Variants in SETBP1 observed in about 807,000 individuals in gnomAD.
SETBP1 encodes the protein SET binding protein 1, also known as SET-binding protein.
Under a neutral mutation model 101.0 loss-of-function variants are expected in SETBP1, and 9 were observed. The ratio of observed to expected loss-of-function variants is 0.09; its 90% CI spans 0.05 to 0.16. The LOEUF (loss-of-function observed/expected upper bound fraction) is 0.16. Ranked by LOEUF, SETBP1 falls within the 10% of genes least tolerant of loss-of-function variation. SETBP1 has a pLI of 1.00. For synonymous variants in SETBP1, 818 were observed against 788.5 expected (o/e 1.04, Z -0.63); for missense variants, 1,858 against 2,033.8 (o/e 0.91, Z 1.66).
At chr18:44,694,368 C>T (rs1016214818) in intron 1 of SETBP1, among the ~76,000 whole-genome samples, 14 of 152,246 alleles carry the variant, frequency 9.2e-5, no homozygotes, top group African/African-American at 2.4e-4. Context: ...CATGCCACCA[C>T]GCCCGACTAA....
chr18:44,961,866 A>G (rs1480096963), intron 4 of SETBP1, among the ~76,000 whole-genome samples: 1 of 152,234 alleles, frequency 6.6e-6, no homozygotes, highest in African/African-American at 2.4e-5. Context: ...TGAACAAGTT[A>G]TCACAAGTTC....
At chr18:45,012,626 G>C (rs1046624610) in intron 4 of SETBP1, among the ~76,000 whole-genome samples, 4 of 152,074 alleles carry the variant, frequency 2.6e-5, no homozygotes, top group African/African-American at 9.7e-5. Context: ...TAAAATACAG[G>C]AAGTAAAAGA....
rs187298087 is a variant in SETBP1 at position 45,002,319 on chromosome 18, C to T, written c.4001-36166C>T. On this transcript the variant is annotated intron_variant, in intron 4 of 5. Coordinates refer to ENST00000649279, the MANE Select transcript of SETBP1 (RefSeq NM_015559.3). ...TTTTTTTTTTTTTTGTCAAGAGGAA[C>T]AGATTCCATTCTTGAATCCTTTGCC... is the stretch of plus-strand genomic sequence containing the variant. Among the ~76,000 whole-genome samples, 628 of 130,034 alleles carry T rather than the reference C, an allele frequency of 4.8e-3. 7 individuals are homozygous for T. Among genetic ancestry groups the T allele is most frequent in the African/African-American group, 0.017 (607 of 34,712 alleles). The allele number at this position is 130,034 out of a possible 152,430, so 85.3% of individuals were successfully genotyped here. A position where few individuals can be genotyped will look rare whatever the true frequency, so the allele number is the denominator to read the frequency against.
At chr18:45,038,376 G>T in intron 4 of SETBP1, 109 bp from the exon 5 acceptor site, 1 of 960,596 alleles carries the variant, frequency 1.0e-6, no homozygotes, top group East Asian at 2.4e-5. Context: ...GTACCAGAAG[G>T]AGGTGTTCAA....
At chr18:44,693,951 G>A (rs2068974749) in intron 1 of SETBP1, among the ~76,000 whole-genome samples, 1 of 152,186 alleles carries the variant, frequency 6.6e-6, no homozygotes. Flanking sequence ...GGGAGTTCTG[G>A]GAGGAGTGGA....
At chr18:45,036,668 C>T (rs1418909404) in intron 4 of SETBP1, among the ~76,000 whole-genome samples, 1 of 152,144 alleles carries the variant, frequency 6.6e-6, no homozygotes, top group Non-Finnish European at 1.5e-5. Context: ...CATTTTTGTT[C>T]ATGGTATCAC....
chr18:44,799,376 T>C (rs1313050248), intron 2 of SETBP1, among the ~76,000 whole-genome samples: 1 of 152,086 alleles, frequency 6.6e-6, no homozygotes, highest in African/African-American at 2.4e-5. Flanking sequence ...TATAGGTTTT[T>C]TTCCGAGAAG....
intron 2 of SETBP1, among the ~76,000 whole-genome samples, chr18:44,703,606 C>G (rs1358529937): frequency 6.6e-6 from 1 of 151,874 alleles, no homozygotes; most frequent in African/African-American, 2.4e-5. Flanking sequence ...ATTCTGCATC[C>G]AGGAATTGCC....
intron 2 of SETBP1, among the ~76,000 whole-genome samples, chr18:44,818,379 C>T (rs1203721074): frequency 6.6e-6 from 1 of 152,130 alleles, no homozygotes; most frequent in South Asian, 2.1e-4. Context: ...GAGGCCCAGC[C>T]GGGCAGTGAC....
chr18:44,918,788 T>C (rs1161992596), intron 3 of SETBP1, among the ~76,000 whole-genome samples: 1 of 152,244 alleles, frequency 6.6e-6, no homozygotes, highest in Admixed American at 6.5e-5. Flanking sequence ...ATTTGTGTTC[T>C]AGTTATCAAC....
chr18:45,061,755 C>T (rs1296756996), intron 5 of SETBP1, among the ~76,000 whole-genome samples: 1 of 152,174 alleles, frequency 6.6e-6, no homozygotes, highest in Non-Finnish European at 1.5e-5. Context: ...CTTTTTTCCT[C>T]CTCTCTCTTA....
At chr18:44,750,806 T>C (rs2070365388) in intron 2 of SETBP1, among the ~76,000 whole-genome samples, 3 of 152,100 alleles carry the variant, frequency 2.0e-5, no homozygotes, top group Admixed American at 2.0e-4. Context: ...AATATCAAGT[T>C]ATGAAAGATT....
At chr18:44,825,975 T>C (rs916159954) in intron 2 of SETBP1, among the ~76,000 whole-genome samples, 5 of 152,246 alleles carry the variant, frequency 3.3e-5, no homozygotes, top group Non-Finnish European at 5.9e-5. Context: ...GAGTGACTAG[T>C]ACCTTGATGT....
intron 2 of SETBP1, among the ~76,000 whole-genome samples, chr18:44,770,504 A>C (rs2070849429): frequency 6.6e-6 from 1 of 152,106 alleles, no homozygotes; most frequent in East Asian, 1.9e-4. Context: ...GTATTTTTGA[A>C]GTGTCCTTGG....
At chr18:45,048,310 T>C (rs1180801747) in intron 5 of SETBP1, among the ~76,000 whole-genome samples, 6 of 152,124 alleles carry the variant, frequency 3.9e-5, no homozygotes, top group Non-Finnish European at 5.9e-5. Context: ...AAGAAAGAAA[T>C]GAAATAGCAG....
intron 4 of SETBP1, among the ~76,000 whole-genome samples, chr18:45,031,530 T>G (rs2073297446): frequency 1.3e-5 from 2 of 152,186 alleles, no homozygotes; most frequent in South Asian, 4.1e-4. Context: ...TTTACCTATT[T>G]GCTATATTTT....
At chr18:44,885,454 T>A (rs2069620161) in intron 3 of SETBP1, among the ~76,000 whole-genome samples, 2 of 152,122 alleles carry the variant, frequency 1.3e-5, no homozygotes, top group Admixed American at 1.3e-4. Flanking sequence ...GCAGTAATAT[T>A]CTTCAGAATA....
At chr18:44,770,954 A>T (rs2070858894) in intron 2 of SETBP1, among the ~76,000 whole-genome samples, 1 of 152,072 alleles carries the variant, frequency 6.6e-6, no homozygotes, top group Non-Finnish European at 1.5e-5. Context: ...GTTCTGGGTC[A>T]TGTGAGGTTC....
At chr18:44,684,269 TC>T (rs1295283916) in intron 1 of SETBP1, among the ~76,000 whole-genome samples, 1 of 152,204 alleles carries the variant, frequency 6.6e-6, no homozygotes, top group Admixed American at 6.5e-5. Context: ...TACAAACTCT[TC>T]ATGAAGTTGC....
Sources: allele counts gnomAD v4.1 joint callset (sites outside exome capture counted in the v4.1 genomes callset), GRCh38; gene constraint gnomAD v4.1.1; transcripts MANE v1.5; gene names NCBI Gene and HGNC (gene_info 2026-07-23, HGNC 2026-07-21).